Variants in MAN1B1 observed in about 807,000 individuals in gnomAD.
MAN1B1 encodes the protein mannosidase alpha class 1B member 1.
MAN1B1 carries 66 observed loss-of-function variants against 75.5 expected under a neutral mutation model. That is an observed-to-expected ratio of 0.87 (90% CI 0.72 to 1.07). The LOEUF is 1.07. MAN1B1 is among the 50% of genes least tolerant of loss of function. The pLI is 0.00. For synonymous variants in MAN1B1, 453 were observed against 382.8 expected (o/e 1.18, Z -2.14); for missense variants, 973 against 912.5 (o/e 1.07, Z -0.85).
intron 8 of MAN1B1, chr9:137,103,866 C>G (rs1830994851): frequency 4.4e-6 from 2 of 452,824 alleles, no homozygotes; most frequent in South Asian, 1.6e-5. Context: ...TGCAGGCGTG[C>G]AGGTCAGTGG....
intron 7 of MAN1B1, 33 bp downstream of exon 7, chr9:137,101,186 G>A (rs770418670): frequency 9.3e-6 from 15 of 1,612,344 alleles, no homozygotes; most frequent in African/African-American, 4.0e-5. Flanking sequence ...CAGGGAGATG[G>A]TGGACTCGCA....
At chr9:137,103,794 G>T in intron 8 of MAN1B1, 1 of 454,824 alleles carries the variant, frequency 2.2e-6, no homozygotes, top group Non-Finnish European at 4.4e-6. Flanking sequence ...GTGCAGGTTG[G>T]TGTTACACAC....
In MAN1B1 at chr9:137,101,066, C is replaced by T. The variant is rs756428472; in HGVS notation, c.978C>T (p.Val326=). Residue 326 remains valine (V), a synonymous_variant, in exon 7 of 13, where the codon GTC becomes GTT. Coordinates refer to ENST00000371589, the MANE Select transcript of MAN1B1 (RefSeq NM_016219.5). ...KKLHFEKDVD[V]NLFESTIRIL... The stretch of plus-strand genomic sequence containing the variant: ...TACACTTTGAAAAGGACGTGGACGT[C>T]AACCTGTTTGAGAGCACGATCCGCA... The T allele has an allele frequency of 1.2e-6, 2 of 1,614,188 alleles. No individual in the cohort carries two copies. The highest frequency in any genetic ancestry group is 1.7e-6 in the Non-Finnish European group (2 of 1,180,048).
intron 5 of MAN1B1, among the ~76,000 whole-genome samples, chr9:137,098,455 G>C (rs9411249): frequency 2.0e-5 from 3 of 151,940 alleles, no homozygotes; most frequent in Non-Finnish European, 4.4e-5. Context: ...TTGCTTGTCT[G>C]TGGGGGCTCA....
At position 137,091,423 on chromosome 9, in the gene MAN1B1, G is replaced by A. The variant is rs537325213; in HGVS notation, c.465+2418G>A. 8.5e-5 allele frequency among the ~76,000 whole-genome samples: 13 copies of A among 152,136 alleles called. No individual in the cohort carries two copies. In the South Asian group the frequency reaches 1.5e-3, roughly 17 times the overall value. ...CACTGCCTCTCCTGTTCAGACCCTG[G>A]CACTTGTCTAGACCTGGTTAGGGAT... On this transcript the variant is annotated intron_variant, in intron 3 of 12. Transcript: ENST00000371589.
chr9:137,106,518 G>T (rs550159240), intron 9 of MAN1B1, 171 bp from the exon 10 acceptor site: 133 of 1,138,928 alleles, frequency 1.2e-4, no homozygotes, highest in Non-Finnish European at 1.6e-4. Context: ...CCTCTGGGGG[G>T]GTGAGGGGGG....
chr9:137,095,716 C>T (rs936243492), intron 3 of MAN1B1, among the ~76,000 whole-genome samples: 7 of 152,172 alleles, frequency 4.6e-5, no homozygotes, highest in South Asian at 2.1e-4. Flanking sequence ...GGGAAGGGAG[C>T]AGAGGACGGG....
chr9:137,107,559 C>T lies in MAN1B1; in HGVS notation c.1793C>T (p.Pro598Leu). The T allele has an allele frequency of 1.2e-6, 2 of 1,612,818 alleles. No individual in the cohort carries two copies. Among genetic ancestry groups the T allele is most frequent in the Non-Finnish European group, 1.7e-6 (2 of 1,179,984 alleles). ...GCAGACAGGCACAACCTGCTGCGGC[C>T]AGAGACCGTGGAGAGCCTGTTCTAC... ...KPADRHNLLRPETVESLFYLY... is the reference protein window; with the variant it reads ...KPADRHNLLRLETVESLFYLY... The change falls in exon 12 of 13, where the codon CCA becomes CTA. Residue 598 changes from proline to leucine, a missense_variant. Coordinates refer to ENST00000371589, the MANE Select transcript of MAN1B1 (RefSeq NM_016219.5).
intron 2 of MAN1B1, 139 bp downstream of exon 2, chr9:137,088,322 G>T: frequency 6.2e-7 from 1 of 1,604,352 alleles, no homozygotes; most frequent in South Asian, 1.1e-5. Context: ...AAAGAGAAAG[G>T]TAGAGCTGTA....
intron 1 of MAN1B1, chr9:137,087,432 G>A (rs1191069896): frequency 2.8e-6 from 2 of 716,300 alleles, no homozygotes; most frequent in Non-Finnish European, 5.0e-6. Flanking sequence ...AATTCTGCGG[G>A]GCGGTGGTGG....
chr9:137,101,746 TG>T, intron 8 of MAN1B1, 74 bp downstream of exon 8: 1 of 1,486,258 alleles, frequency 6.7e-7, no homozygotes, highest in Non-Finnish European at 9.2e-7. Context: ...AGGTACTGTG[TG>T]TGTGTGTGTA....
rs548897215 is a variant in MAN1B1, at chr9:137,107,679, G to T, written c.1896+17G>T. 1 of 1,609,744 alleles carries T rather than the reference G, an allele frequency of 6.2e-7. No individual in the cohort carries two copies. The highest frequency in any genetic ancestry group is 8.5e-7 in the Non-Finnish European group (1 of 1,179,922). On this transcript the variant is annotated intron_variant, in intron 12 of 12. Transcript: ENST00000371589. ...TTCACACGGGTGAGCACCTGTCCTC[G>T]CCCCGCGTGGTCACGGCCACCGGGC... is the stretch of plus-strand genomic sequence containing the variant.
intron 8 of MAN1B1, chr9:137,105,820 T>G (rs1467252514): frequency 1.8e-6 from 1 of 557,408 alleles, no homozygotes; most frequent in Non-Finnish European, 3.4e-6. Flanking sequence ...ACAGTGCCTG[T>G]GGTTGTCAGA....
At position 137,106,704 on chromosome 9, in the gene MAN1B1, C is replaced by A; in HGVS notation, c.1461C>A (p.Tyr487Ter). ...GKQETQLLED[Y>*]VEAIEGVRTH... ...GTGTCCACAGGCTGCTGGAAGACTA[C>A]GTGGAAGCCATCGAGGGTGTCAGAA... Residue 487 changes from tyrosine to a stop codon, truncating the protein, a stop_gained, in exon 10 of 13, where the codon TAC (tyrosine) becomes TAA (stop). Transcript: ENST00000371589. LOFTEE classifies it high-confidence loss of function. 6.2e-7 allele frequency: 1 copy of A among 1,613,514 alleles called. No homozygotes were observed. Among genetic ancestry groups the A allele is most frequent in the South Asian group, 1.1e-5 (1 of 91,082 alleles).
At chr9:137,088,667 G>A (rs1309613304) in intron 2 of MAN1B1, 1 of 730,296 alleles carries the variant, frequency 1.4e-6, no homozygotes, top group African/African-American at 1.8e-5. Flanking sequence ...GGGGTTCTGT[G>A]TTATGGACAA....
intron 10 of MAN1B1, 93 bp downstream of exon 10, chr9:137,106,902 GCCAT>G: frequency 6.5e-7 from 1 of 1,534,436 alleles, no homozygotes; most frequent in East Asian, 2.3e-5. Flanking sequence ...CGAAATCCTG[GCCAT>G]GGCGCCCACG....
intron 4 of MAN1B1, among the ~76,000 whole-genome samples, chr9:137,097,067 C>T (rs991805931): frequency 6.6e-6 from 1 of 152,202 alleles, no homozygotes; most frequent in Non-Finnish European, 1.5e-5. Flanking sequence ...TGAACTCAAG[C>T]GCGTGGTGAG....
At chr9:137,101,769 G>A (rs757253934) in intron 8 of MAN1B1, 97 bp downstream of exon 8, 38 of 1,379,692 alleles carry the variant, frequency 2.8e-5, no homozygotes, top group Non-Finnish European at 3.8e-5. Context: ...GTGCATGTGT[G>A]TTTTCAGGTT....
intron 1 of MAN1B1, 27 bp downstream of exon 1, chr9:137,087,245 G>A (rs1178938016): frequency 6.4e-7 from 1 of 1,550,822 alleles, no homozygotes; most frequent in African/African-American, 1.4e-5. Context: ...GCTGACTGGG[G>A]CCCGGGGCTG....
Sources: gnomAD v4.1 joint callset for allele counts (sites outside exome capture counted in the v4.1 genomes callset) on GRCh38, gnomAD v4.1.1 for gene constraint, MANE v1.5 for transcripts, NCBI Gene and HGNC (gene_info 2026-07-23, HGNC 2026-07-21) for gene names.